PSD3: variants seen among roughly 807,000 people sequenced by gnomAD.
PSD3 encodes the protein PH and SEC7 domain-containing protein 3.
Under a neutral mutation model 105.5 loss-of-function variants are expected in PSD3, and 49 were observed. The observed-to-expected ratio is 0.46, with a 90% CI of 0.37 to 0.59. PSD3 has a LOEUF of 0.59. PSD3 is among the 20% of genes least tolerant of loss of function. The probability of loss-of-function intolerance (pLI) is 0.00; values close to 1 mark genes in which losing one functional copy is unlikely to be tolerated. For synonymous variants in PSD3, 557 were observed against 457.8 expected, an observed-to-expected ratio of 1.22 and a Z score of -2.77; for missense variants, 1,561 against 1,263.8, an observed-to-expected ratio of 1.24 and a Z score of -3.57.
chr8:18,852,379 A>C (rs1013105241), intron 4 of PSD3, among the ~76,000 whole-genome samples: 9 of 152,168 alleles, frequency 5.9e-5, no homozygotes, highest in African/African-American at 1.9e-4. Flanking sequence ...ACAAGTCCTA[A>C]AAAAGCTGCC....
chr8:18,678,749 T>A (rs988469469), intron 9 of PSD3, among the ~76,000 whole-genome samples: 1 of 152,050 alleles, frequency 6.6e-6, no homozygotes, highest in Non-Finnish European at 1.5e-5. Context: ...GAGGCAGAGG[T>A]TGCGGTGAGC....
chr8:18,799,989 T>G (rs1475954546), intron 7 of PSD3, among the ~76,000 whole-genome samples: 1 of 152,196 alleles, frequency 6.6e-6, no homozygotes, highest in Non-Finnish European at 1.5e-5. Context: ...AGTTCTTTAG[T>G]ATAGTAGGTG....
chr8:18,888,367 T>A (rs1818568732), intron 2 of PSD3, among the ~76,000 whole-genome samples: 1 of 152,018 alleles, frequency 6.6e-6, no homozygotes, highest in South Asian at 2.1e-4. Flanking sequence ...AAATTACAGA[T>A]CAGTATAACC....
Position 18,802,643 on chromosome 8 carries a change from C to A in PSD3, c.1911-1261G>T, listed in dbSNP as rs1030592024. The stretch of plus-strand genomic sequence containing the variant: ...ATGAAAAGAGCCCCACGATAAATCA[C>A]TGCAGTACTACACTCCAGTCCAAAC... On this transcript the variant is annotated intron_variant, in intron 6 of 15. Coordinates refer to ENST00000327040, the MANE Select transcript of PSD3 (RefSeq NM_015310.4). Among the ~76,000 whole-genome samples the A allele has an allele frequency of 2.0e-5, 3 of 152,186 alleles. No homozygotes were observed. In the East Asian group the frequency reaches 5.8e-4, roughly 29 times the overall value.
intron 1 of PSD3, among the ~76,000 whole-genome samples, chr8:19,030,345 T>A (rs1827722438): frequency 6.6e-6 from 1 of 152,182 alleles, no homozygotes; most frequent in Admixed American, 6.5e-5. Context: ...ACTATTGTAT[T>A]AGTCTGCTGA....
chr8:18,910,403 C>T (rs573366847), intron 2 of PSD3, among the ~76,000 whole-genome samples: 20 of 118,964 alleles, frequency 1.7e-4, no homozygotes, highest in African/African-American at 6.2e-4. Context: ...AACCAAACAC[C>T]GCATATTCTC....
intron 4 of PSD3, chr8:18,808,842 T>C (rs1811432625): frequency 6.2e-7 from 1 of 1,608,298 alleles, no homozygotes; most frequent in African/African-American, 1.3e-5. Context: ...CCGTCCAGTA[T>C]TCTTCAGCTC....
At chr8:18,920,028 AAAAC>A (rs1820902598) in intron 2 of PSD3, among the ~76,000 whole-genome samples, 1 of 148,042 alleles carries the variant, frequency 6.8e-6, no homozygotes, top group Admixed American at 6.8e-5. Flanking sequence ...AAAAAAAAAA[AAAAC>A]AATCACAAAA....
At chr8:18,860,967 C>A (rs999263659) in intron 4 of PSD3, among the ~76,000 whole-genome samples, 2 of 152,138 alleles carry the variant, frequency 1.3e-5, no homozygotes, top group East Asian at 3.8e-4. Context: ...CTCTTCACAC[C>A]AGTAGCCACC....
chr8:19,077,849 A>T (rs1200217763), intron 1 of PSD3, among the ~76,000 whole-genome samples: 1 of 152,194 alleles, frequency 6.6e-6, no homozygotes, highest in Non-Finnish European at 1.5e-5. Flanking sequence ...GCATGTGGCT[A>T]ATCTCCACCT....
chr8:18,582,451 C>A (rs1585299979), intron 12 of PSD3, among the ~76,000 whole-genome samples: 1 of 152,148 alleles, frequency 6.6e-6, no homozygotes, highest in East Asian at 1.9e-4. Flanking sequence ...GCTCCTCCTC[C>A]TTTCTCTTCC....
At chr8:18,818,015 G>A (rs1237634922) in intron 4 of PSD3, among the ~76,000 whole-genome samples, 1 of 152,146 alleles carries the variant, frequency 6.6e-6, no homozygotes, top group East Asian at 1.9e-4. Flanking sequence ...GTGCAGTGGC[G>A]CGATCTCGGC....
intron 11 of PSD3, among the ~76,000 whole-genome samples, chr8:18,625,890 T>A (rs577383028): frequency 6.6e-6 from 1 of 152,308 alleles, no homozygotes; most frequent in African/African-American, 2.4e-5. Context: ...ATCACTATTG[T>A]TATTGTGTAG....
chr8:18,787,964 C>G (rs74714694), intron 8 of PSD3, among the ~76,000 whole-genome samples: 107 of 152,238 alleles, frequency 7.0e-4, no homozygotes, highest in African/African-American at 2.4e-3. Flanking sequence ...ATATTTTAGG[C>G]TTTGCAAGTC....
At chr8:18,786,866 T>TC (rs1809213400) in intron 8 of PSD3, 1 of 152,204 alleles carries the variant, frequency 6.6e-6, no homozygotes, top group African/African-American at 2.4e-5. Context: ...GAACAAAAGG[T>TC]GAGGAGTCAG....
intron 1 of PSD3, among the ~76,000 whole-genome samples, chr8:19,077,819 T>C (rs1195763027): frequency 6.6e-6 from 1 of 152,202 alleles, no homozygotes; most frequent in African/African-American, 2.4e-5. Context: ...AGTTCAAGGT[T>C]CAGTATAACC....
chr8:18,728,494 G>A (rs2129430234), intron 9 of PSD3, among the ~76,000 whole-genome samples: 1 of 152,286 alleles, frequency 6.6e-6, no homozygotes, highest in Non-Finnish European at 1.5e-5. Context: ...AAGGAGGGAG[G>A]AGTGTTTCAG....
chr8:18,792,447 T>C (rs1809809521), intron 8 of PSD3, among the ~76,000 whole-genome samples: 1 of 152,050 alleles, frequency 6.6e-6, no homozygotes, highest in South Asian at 2.1e-4. Context: ...TTATCCTTAG[T>C]AAACTAAGGC....
In PSD3 at chr8:18,755,185, T is replaced by C. The variant is rs542714124; in HGVS notation, c.2172+10264A>G. Among the ~76,000 whole-genome samples the C allele has an allele frequency of 1.6e-4, 25 of 152,148 alleles. No individual in the cohort carries two copies. In the East Asian group the frequency reaches 4.4e-3, roughly 27 times the overall value. The stretch of plus-strand genomic sequence containing the variant: ...AGCTCAAGCCTGTAATCCCAGTACT[T>C]TGGGAGGCCATGGTGGGCGGATCAC... On this transcript the variant is annotated intron_variant, in intron 9 of 15. Coordinates refer to ENST00000327040, the MANE Select transcript of PSD3 (RefSeq NM_015310.4).
Sources: gnomAD v4.1 joint callset for allele counts (sites outside exome capture counted in the v4.1 genomes callset) on GRCh38, gnomAD v4.1.1 for gene constraint, MANE v1.5 for transcripts, NCBI Gene and HGNC (gene_info 2026-07-23, HGNC 2026-07-21) for gene names.